IKBKE: variants seen among roughly 807,000 people sequenced by gnomAD.
IKBKE encodes the protein inhibitor of nuclear factor kappa-B kinase subunit epsilon.
A neutral mutation model predicts 92.1 loss-of-function variants in IKBKE; 45 were observed. The observed-to-expected ratio is 0.49, with a 90% confidence interval of 0.38 to 0.63. The LOEUF is 0.63. Among genes scored for constraint, IKBKE ranks in the 20% least tolerant of loss-of-function variants. IKBKE has a pLI of 0.00. For missense variants in IKBKE, 700 were observed against 932.8 expected (o/e 0.75, Z 3.25); for synonymous variants, 374 against 380.3 (o/e 0.98, Z 0.19).
At chr1:206,489,833 A>G (rs960797829) in intron 16 of IKBKE, among the ~76,000 whole-genome samples, 3 of 152,176 alleles carry the variant, frequency 2.0e-5, no homozygotes, top group Admixed American at 6.5e-5. Flanking sequence ...TAACTATCCC[A>G]TTTTACAGCC....
chr1:206,482,128 AG>A (rs1337664617), intron 13 of IKBKE, among the ~76,000 whole-genome samples: 1 of 152,098 alleles, frequency 6.6e-6, no homozygotes, highest in Non-Finnish European at 1.5e-5. Flanking sequence ...TCAGGCAGGA[AG>A]GTCTGCGCAG....
At chr1:206,489,831 C>A (rs1665859216) in intron 16 of IKBKE, among the ~76,000 whole-genome samples, 1 of 152,124 alleles carries the variant, frequency 6.6e-6, no homozygotes, top group African/African-American at 2.4e-5. Flanking sequence ...TTTAACTATC[C>A]CATTTTACAG....
At chr1:206,492,782 T>C (rs2103484580) in intron 18 of IKBKE, 1 of 637,498 alleles carries the variant, frequency 1.6e-6, no homozygotes, top group East Asian at 3.2e-5. Flanking sequence ...ACATGCATGT[T>C]GTTGGTGCTC....
intron 3 of IKBKE, among the ~76,000 whole-genome samples, chr1:206,473,743 C>A (rs934710298): frequency 6.6e-6 from 1 of 151,984 alleles, no homozygotes. Flanking sequence ...GTGGGCAGAT[C>A]ACGAGGTCAG....
chr1:206,493,551 G>A (rs1666062375), intron 20 of IKBKE, among the ~76,000 whole-genome samples, 173 bp downstream of exon 20: 2 of 152,306 alleles, frequency 1.3e-5, no homozygotes, highest in Admixed American at 1.3e-4. Context: ...ACTTTGAGAG[G>A]CCAAGGTGAG....
chr1:206,481,802 C>T lies in IKBKE; in HGVS notation c.1427+1269C>T, dbSNP rs559559862. 6.1e-4 allele frequency among the ~76,000 whole-genome samples: 58 copies of T among 95,840 alleles called. 1 individual carries two copies. In the South Asian group the frequency reaches 0.017, roughly 28 times the overall value. The allele number at this position is 95,840 out of a possible 152,430, so 62.9% of individuals were successfully genotyped here. On this transcript the variant is annotated intron_variant, in intron 13 of 21. Transcript: ENST00000581977. ...TTTTTTTTTTTTTTTTTTTTTGAGA[C>T]GGAGCCTCGCTCTGTCGCCCAGGCT...
In IKBKE at chr1:206,474,867, C is replaced by T. The variant is rs781884386; in HGVS notation, c.231C>T (p.Gly77=). The change falls in exon 5 of 22, where the codon GGC becomes GGT. Residue 77 remains glycine (G), a splice_region_variant and synonymous_variant. Coordinates refer to ENST00000581977, the MANE Select transcript of IKBKE (RefSeq NM_014002.4). ...IVKLFAVEET[G]GSRQKVLVME... ...GCCCCTCTCTGTCCCACCCATAGGG[C>T]GGAAGCCGGCAGAAGGTACTGGTGA... 35 of 1,613,714 alleles carry T rather than the reference C, an allele frequency of 2.2e-5. No homozygotes were observed. The highest frequency in any genetic ancestry group is 8.3e-5 in the Admixed American group (5 of 59,984).
At chr1:206,479,239 T>G (rs1326720582) in intron 10 of IKBKE, 106 bp downstream of exon 10, 1 of 949,164 alleles carries the variant, frequency 1.1e-6, no homozygotes, top group East Asian at 2.6e-5. Flanking sequence ...GGTGTTTCTT[T>G]GGGGCCACAG....
intron 15 of IKBKE, among the ~76,000 whole-genome samples, chr1:206,486,223 T>A (rs1456362663): frequency 6.6e-6 from 1 of 152,280 alleles, no homozygotes; most frequent in Admixed American, 6.5e-5. Context: ...CAATACACTG[T>A]GTGGGTACCA....
In IKBKE at chr1:206,493,078, T is replaced by G; in HGVS notation, c.1891T>G (p.Cys631Gly). The change falls in exon 19 of 22, where the codon TGT becomes GGT. Residue 631 changes from cysteine to glycine, a missense_variant. Coordinates refer to ENST00000581977, the MANE Select transcript of IKBKE (RefSeq NM_014002.4). ...LRLVGCSVAACNTEAQGVQES... is the reference protein window; with the variant it reads ...LRLVGCSVAAGNTEAQGVQES... ...CCTGGTTGGCTGTTCTGTGGCTGCC[T>G]GTAACACAGAAGCCCAGGGGGTCCA... The G allele has an allele frequency of 6.3e-7, 1 of 1,591,580 alleles. No homozygotes were observed.
Position 206,490,944 on chromosome 1 carries a change from A to G in IKBKE, c.1733+86A>G. 3 of 1,256,472 alleles carry G rather than the reference A, an allele frequency of 2.4e-6. No homozygotes were observed. Among genetic ancestry groups the G allele is most frequent in the Admixed American group, 1.7e-5 (1 of 59,354 alleles). 77.8% of individuals were successfully genotyped at this position (1,256,472 alleles called of 1,614,324 possible). ...CGATTCTCAACGCCAGAGGAGAGGC[A>G]GTGAAGGGCCCTGTCCCGGACTGCA... On this transcript the variant is annotated intron_variant, in intron 17 of 21. Coordinates refer to ENST00000581977, the MANE Select transcript of IKBKE (RefSeq NM_014002.4). The surrounding 1 kb of genome is among the most constrained non-coding windows in gnomAD (Gnocchi z 5.2).
intron 17 of IKBKE, chr1:206,491,070 GGATT>G: frequency 1.6e-6 from 1 of 610,666 alleles, no homozygotes; most frequent in Non-Finnish European, 2.9e-6. Context: ...TGAAGTAACT[GGATT>G]TACTTCTGGT....
chr1:206,470,554 C>T lies in IKBKE; in HGVS notation c.-267C>T, dbSNP rs192352726. On this transcript the variant is annotated 5_prime_UTR_variant, in exon 1 of 22. Transcript: ENST00000581977. ...GTCCCAGCTCCTGGGGTGGCACAGA[C>T]ATTGCAACTGGCCCTGCCTGTGGGT... 2.6e-5 allele frequency: 4 copies of T among 152,446 alleles called. No homozygotes were observed. The highest frequency in any genetic ancestry group is 2.0e-4 in the Admixed American group (3 of 15,304). 9.4% of individuals were successfully genotyped at this position (152,446 alleles called of 1,614,324 possible). A position where few individuals can be genotyped will look rare whatever the true frequency, so the allele number is the denominator to read the frequency against.
intron 16 of IKBKE, among the ~76,000 whole-genome samples, 193 bp downstream of exon 16, chr1:206,488,183 C>A (rs1665765878): frequency 6.6e-6 from 1 of 152,252 alleles, no homozygotes; most frequent in African/African-American, 2.4e-5. Flanking sequence ...CCCCTGTCTG[C>A]AAGCTGCCTG....
chr1:206,477,782 C>A lies in IKBKE; in HGVS notation c.735C>A (p.Ala245=). ...YRITTEKPAG[A]IAGAQRRENG... Reference sequence around the variant, plus strand: ...TCACCACGGAGAAGCCGGCTGGGGCCATTGCAGGTGCCCAGAGGCGGGAGA... The same window carrying A: ...TCACCACGGAGAAGCCGGCTGGGGCAATTGCAGGTGCCCAGAGGCGGGAGA... Residue 245 remains alanine, a synonymous_variant, in exon 8 of 22, where the codon GCC becomes GCA. Coordinates refer to ENST00000581977, the MANE Select transcript of IKBKE (RefSeq NM_014002.4). 1 of 1,569,872 alleles carries A rather than the reference C, an allele frequency of 6.4e-7. No homozygotes were observed. The highest frequency in any genetic ancestry group is 8.6e-7 in the Non-Finnish European group (1 of 1,157,758).
At chr1:206,486,802 T>C (rs1665689421) in intron 15 of IKBKE, among the ~76,000 whole-genome samples, 1 of 150,722 alleles carries the variant, frequency 6.6e-6, no homozygotes, top group African/African-American at 2.4e-5. Flanking sequence ...TCCCAGGCCC[T>C]GTCTTTTGGA....
rs782342986 is a variant in IKBKE at position 206,476,207 on chromosome 1, A to C, written c.385A>C (p.Asn129His). Reference protein sequence around the residue: ...VVAGMNHLRENGIVHRDIKPG... With the variant: ...VVAGMNHLREHGIVHRDIKPG... ...GGCCGGCATGAACCACCTGCGGGAG[A>C]ACGGCATTGTGCATCGCGACATCAA... The change falls in exon 6 of 22, where the codon AAC becomes CAC. Residue 129 changes from asparagine to histidine, a missense_variant. By Grantham distance (68) the Asn-to-His change is moderately conservative. Coordinates refer to ENST00000581977, the MANE Select transcript of IKBKE (RefSeq NM_014002.4). The surrounding 1 kb of genome is among the most constrained non-coding windows in gnomAD (Gnocchi z 5.1). 1 of 1,613,996 alleles carries C rather than the reference A, an allele frequency of 6.2e-7. No homozygotes were observed. The highest frequency in any genetic ancestry group is 8.5e-7 in the Non-Finnish European group (1 of 1,179,976).
intron 21 of IKBKE, among the ~76,000 whole-genome samples, chr1:206,494,640 GTCACC>G: frequency 8.8e-6 from 1 of 113,174 alleles, no homozygotes; most frequent in Non-Finnish European, 1.6e-5. Context: ...GTCTCACTCT[GTCACC>G]CAGGCTGGAG....
At position 206,479,085 on chromosome 1, in the gene IKBKE, CT is replaced by C; in HGVS notation, c.1136del (p.Leu379ArgfsTer60). The C allele has an allele frequency of 6.2e-7, 1 of 1,613,406 alleles. No homozygotes were observed. Among genetic ancestry groups the C allele is most frequent in the South Asian group, 1.1e-5 (1 of 91,052 alleles). Reference protein sequence around the residue: ...HIAHTTASSPLTLFSTAIPKG... With the variant: ...HIAHTTASSPXTLFSTAIPKG... ...CGCCCACACGACGGCAAGCAGCCCC[CT>C]GACCCTCTTCAGCACAGCCATCCCT... On this transcript the variant is annotated frameshift_variant, in exon 10 of 22. Transcript: ENST00000581977. LOFTEE classifies it high-confidence loss of function.
Sources: allele counts gnomAD v4.1 joint callset (sites outside exome capture counted in the v4.1 genomes callset), GRCh38; gene constraint gnomAD v4.1.1; non-coding constraint Gnocchi (gnomAD v3.1); transcripts MANE v1.5; gene names NCBI Gene and HGNC (gene_info 2026-07-23, HGNC 2026-07-21).